The following XKR4 variants were observed in gnomAD, a reference collection of about 807,000 sequenced individuals.
XKR4 encodes the protein XK-related protein 4.
A neutral mutation model predicts 53.9 loss-of-function variants in XKR4; 12 were observed. The observed-to-expected ratio is 0.22, with a 90% CI of 0.14 to 0.36. XKR4 has a LOEUF of 0.36. Ranked by LOEUF, XKR4 falls within the 10% of genes least tolerant of loss-of-function variation. The pLI, the probability that XKR4 is intolerant of heterozygous loss-of-function variation, is 1.00. For missense variants in XKR4, 799 were observed against 859.5 expected (o/e 0.93, Z 0.88); for synonymous variants, 354 against 362.4 (o/e 0.98, Z 0.26).
intron 1 of XKR4, among the ~76,000 whole-genome samples, chr8:55,290,649 A>T (rs901545810): frequency 1.3e-5 from 2 of 151,980 alleles, no homozygotes; most frequent in Admixed American, 6.6e-5. Flanking sequence ...TGAACATTTT[A>T]AAAATGTACT....
At chr8:55,191,731 A>C (rs910626795) in intron 1 of XKR4, among the ~76,000 whole-genome samples, 7 of 150,212 alleles carry the variant, frequency 4.7e-5, no homozygotes, top group Non-Finnish European at 7.4e-5. Flanking sequence ...TAATAGTAAA[A>C]TTTTAGAATA....
chr8:55,521,102 G>C (rs1437836051), intron 2 of XKR4: 2 of 152,262 alleles, frequency 1.3e-5, no homozygotes, highest in Non-Finnish European at 2.9e-5. Context: ...TGCTGAAGGA[G>C]GCCGGCGTGA....
chr8:55,506,196 G>A (rs1806524986), intron 2 of XKR4, among the ~76,000 whole-genome samples: 1 of 152,206 alleles, frequency 6.6e-6, no homozygotes. Flanking sequence ...TAAACAACAG[G>A]TGTTTTCTCT....
intron 2 of XKR4, among the ~76,000 whole-genome samples, chr8:55,389,766 T>G (rs1804417843): frequency 6.6e-6 from 1 of 152,196 alleles, no homozygotes; most frequent in Non-Finnish European, 1.5e-5. Flanking sequence ...GGAAATGAAG[T>G]GAAGTTATAA....
chr8:55,124,289 C>A (rs1816431705), intron 1 of XKR4, among the ~76,000 whole-genome samples: 1 of 152,180 alleles, frequency 6.6e-6, no homozygotes, highest in Non-Finnish European at 1.5e-5. Context: ...CTTCTCAGCT[C>A]TTTGTGGAAC....
At chr8:55,154,032 A>G (rs1484420782) in intron 1 of XKR4, among the ~76,000 whole-genome samples, 1 of 152,190 alleles carries the variant, frequency 6.6e-6, no homozygotes, top group Non-Finnish European at 1.5e-5. Context: ...CATTTCTTTC[A>G]GCTCCAGGCA....
intron 2 of XKR4, among the ~76,000 whole-genome samples, chr8:55,391,133 T>C (rs913339219): frequency 2.6e-5 from 4 of 152,200 alleles, no homozygotes; most frequent in East Asian, 1.9e-4. Flanking sequence ...CACAACATTC[T>C]CTTTCTGGGA....
intron 2 of XKR4, among the ~76,000 whole-genome samples, chr8:55,369,173 G>A (rs545609327): frequency 3.3e-5 from 5 of 151,836 alleles, no homozygotes; most frequent in Non-Finnish European, 5.9e-5. Flanking sequence ...ACCAGCCTGA[G>A]CAACACAGCA....
chr8:55,205,182 G>A (rs1817628322), intron 1 of XKR4, among the ~76,000 whole-genome samples: 1 of 152,206 alleles, frequency 6.6e-6, no homozygotes. Context: ...TTTGAGTAAA[G>A]GAGATGGTTA....
At chr8:55,268,917 A>G (rs1818649705) in intron 1 of XKR4, among the ~76,000 whole-genome samples, 1 of 152,216 alleles carries the variant, frequency 6.6e-6, no homozygotes, top group Non-Finnish European at 1.5e-5. Flanking sequence ...AGACTTCTAC[A>G]TGTTTTAATC....
At chr8:55,447,726 A>AT (rs1478481480) in intron 2 of XKR4, among the ~76,000 whole-genome samples, 1 of 152,182 alleles carries the variant, frequency 6.6e-6, no homozygotes, top group East Asian at 1.9e-4. Flanking sequence ...CAGGCAAGAC[A>AT]TTTTTTCTTG....
At chr8:55,389,008 G>T (rs1379616633) in intron 2 of XKR4, among the ~76,000 whole-genome samples, 1 of 152,142 alleles carries the variant, frequency 6.6e-6, no homozygotes. Context: ...GATCAGGGTG[G>T]GGGATCATAA....
intron 2 of XKR4, among the ~76,000 whole-genome samples, chr8:55,391,032 A>C (rs1318494399): frequency 6.6e-6 from 1 of 152,138 alleles, no homozygotes; most frequent in African/African-American, 2.4e-5. Context: ...ATGAAACACA[A>C]AAAAAATGGT....
Position 55,524,489 on chromosome 8 carries a change from G to A in XKR4, c.*262G>A. On this transcript the variant is annotated 3_prime_UTR_variant, in exon 3 of 3. Coordinates refer to ENST00000327381, the MANE Select transcript of XKR4 (RefSeq NM_052898.2). ...CATTGCTACCAAACTCCTCCTGCAC[G>A]GTCTTGGGTGCACCCACCAGAGGGT... 2.0e-6 allele frequency: 1 copy of A among 500,676 alleles called. No individual in the cohort carries two copies. The highest frequency in any genetic ancestry group is 3.6e-6 in the Non-Finnish European group (1 of 280,650). The allele number at this position is 500,676 out of a possible 1,614,324, so 31.0% of individuals were successfully genotyped here. A position where few individuals can be genotyped will look rare whatever the true frequency, so the allele number is the denominator to read the frequency against.
At chr8:55,461,194 C>T (rs2135540) in intron 2 of XKR4, among the ~76,000 whole-genome samples, 61,464 of 152,156 alleles carry the variant, frequency 0.4, 13,151 homozygotes, top group East Asian at 0.53. Context: ...GGTCCCTGAA[C>T]CCGGAGTAGC....
Position 55,476,569 on chromosome 8 carries a change from T to C in XKR4, c.1007-46712T>C, listed in dbSNP as rs537459550. Among the ~76,000 whole-genome samples, 3 of 10,554 alleles carry C rather than the reference T, an allele frequency of 2.8e-4. No homozygotes were observed. In the South Asian group the frequency reaches 6.7e-3, roughly 24 times the overall value. The allele number at this position is 10,554 out of a possible 152,430, so 6.9% of individuals were successfully genotyped here. A position where few individuals can be genotyped will look rare whatever the true frequency, so the allele number is the denominator to read the frequency against. On this transcript the variant is annotated intron_variant, in intron 2 of 2. Transcript: ENST00000327381. ...GTGCCAGACAGTGGGTGCAGCACACTGAGCAAGCTGAAGCAGGGCGAGGCA... is the reference window on the plus strand; with the variant it reads ...GTGCCAGACAGTGGGTGCAGCACACCGAGCAAGCTGAAGCAGGGCGAGGCA...
At chr8:55,300,812 C>T (rs764273907) in intron 1 of XKR4, among the ~76,000 whole-genome samples, 11 of 152,046 alleles carry the variant, frequency 7.2e-5, no homozygotes, top group Admixed American at 1.3e-4. Context: ...TGGAGAAGAA[C>T]ATCTGGAGAA....
rs768759955 is a variant in XKR4, at chr8:55,140,088, A to G, written c.806+36794A>G. 40 of 359,800 alleles carry G rather than the reference A, an allele frequency of 1.1e-4. 1 individual carries two copies. The Middle Eastern group carries it at 4.1e-3, about 37-fold the overall frequency. 22.3% of individuals were successfully genotyped at this position (359,800 alleles called of 1,614,324 possible). A position where few individuals can be genotyped will look rare whatever the true frequency, so the allele number is the denominator to read the frequency against. The stretch of plus-strand genomic sequence containing the variant: ...TTATTTATTAAATTAGAAAAACAGT[A>G]CCTCTTAAGAGTTTACCAGGTGAAT... On this transcript the variant is annotated intron_variant, in intron 1 of 2. Transcript: ENST00000327381.
At chr8:55,190,101 T>C (rs184020065) in intron 1 of XKR4, among the ~76,000 whole-genome samples, 88 of 152,336 alleles carry the variant, frequency 5.8e-4, no homozygotes, top group African/African-American at 2.0e-3. Flanking sequence ...TTAAACCATT[T>C]TGAGATGACT....
Sources: allele counts gnomAD v4.1 joint callset (sites outside exome capture counted in the v4.1 genomes callset), GRCh38; gene constraint gnomAD v4.1.1; transcripts MANE v1.5; gene names NCBI Gene and HGNC (gene_info 2026-07-23, HGNC 2026-07-21).